Variants in ASAP3 observed in about 807,000 individuals in gnomAD.
ASAP3 encodes arf-GAP with SH3 domain, ANK repeat and PH domain-containing protein 3.
Under a neutral mutation model 118.2 loss-of-function variants are expected in ASAP3, and 85 were observed. That is an observed-to-expected ratio of 0.72 (90% CI 0.60 to 0.86). ASAP3 has a LOEUF of 0.86. Ranked by LOEUF, ASAP3 falls within the 40% of genes least tolerant of loss-of-function variation. The pLI is 0.00. For synonymous variants in ASAP3, 432 were observed against 477.4 expected (o/e 0.90, Z 1.24); for missense variants, 1,026 against 1,175.0 (o/e 0.87, Z 1.85).
chr1:23,438,623 A>T lies in ASAP3; in HGVS notation c.1102+124T>A. ...TAAGGATTCTTATGTCTGCAGTAGCAGCAATTCGACACCATGTGTGGAACT... is the reference window on the plus strand; with the variant it reads ...TAAGGATTCTTATGTCTGCAGTAGCTGCAATTCGACACCATGTGTGGAACT... On this transcript the variant is annotated intron_variant, in intron 12 of 24. Transcript: ENST00000336689. This position sits in a 1 kb window ranked among gnomAD's most constrained non-coding sequence, Gnocchi z 4.9. 1 of 755,368 alleles carries T rather than the reference A, an allele frequency of 1.3e-6. No homozygotes were observed. The highest frequency in any genetic ancestry group is 1.7e-5 in the African/African-American group (1 of 57,470). 46.8% of individuals were successfully genotyped at this position (755,368 alleles called of 1,614,324 possible). A position where few individuals can be genotyped will look rare whatever the true frequency, so the allele number is the denominator to read the frequency against.
chr1:23,467,951 C>CAAAAAA (rs573411297), intron 1 of ASAP3, among the ~76,000 whole-genome samples: 3 of 52,188 alleles, frequency 5.7e-5, no homozygotes, highest in Non-Finnish European at 3.8e-5. Context: ...GACTCCGTCT[C>CAAAAAA]AAAAAAAAAA....
intron 5 of ASAP3, 77 bp downstream of exon 5, chr1:23,451,402 C>T (rs1256896498): frequency 6.8e-6 from 10 of 1,479,734 alleles, no homozygotes; most frequent in African/African-American, 4.2e-5. Context: ...TGACATGTCT[C>T]GGCAGCATTT....
At chr1:23,472,330 A>G (rs1423964073) in intron 1 of ASAP3, among the ~76,000 whole-genome samples, 1 of 152,160 alleles carries the variant, frequency 6.6e-6, no homozygotes, top group East Asian at 1.9e-4. Flanking sequence ...GCCTCTCAGC[A>G]AATGTTTTGT....
At chr1:23,445,317 C>G (rs1279069670) in intron 5 of ASAP3, among the ~76,000 whole-genome samples, 1 of 152,142 alleles carries the variant, frequency 6.6e-6, no homozygotes, top group Non-Finnish European at 1.5e-5. Flanking sequence ...TGGTGAAACC[C>G]TGTCTCTACA....
Position 23,434,309 on chromosome 1 carries a change from G to A in ASAP3, c.1896C>T (p.Tyr632=). 2 of 1,614,244 alleles carry A rather than the reference G, an allele frequency of 1.2e-6. No individual in the cohort carries two copies. The highest frequency in any genetic ancestry group is 1.7e-6 in the Non-Finnish European group (2 of 1,180,046). Reference sequence around the variant, plus strand: ...GCAGCTTGAGGCAGTCGGGCTGGTTGTAGAGTGCTGCGTAGTGCAGAGCCG... The same window carrying A: ...GCAGCTTGAGGCAGTCGGGCTGGTTATAGAGTGCTGCGTAGTGCAGAGCCG... The part of the protein sequence containing the change: ...GNTALHYAAL[Y]NQPDCLKLLL... The change falls in exon 19 of 25, where the codon TAC becomes TAT. Residue 632 remains tyrosine, a synonymous_variant. Coordinates refer to ENST00000336689, the MANE Select transcript of ASAP3 (RefSeq NM_017707.4).
chr1:23,433,625 C>A lies in ASAP3; in HGVS notation c.2019+1G>T. On this transcript the variant is annotated splice_donor_variant, in intron 20 of 24. Coordinates refer to ENST00000336689, the MANE Select transcript of ASAP3 (RefSeq NM_017707.4). LOFTEE classifies it high-confidence loss of function. ...GGCCCCTTGCCTCCCCGAGTCCTCA[C>A]CAGCTCCTCACACTCCTTGTGGTGC... 6.2e-7 allele frequency: 1 copy of A among 1,614,234 alleles called. No homozygotes were observed. Among genetic ancestry groups the A allele is most frequent in the Non-Finnish European group, 8.5e-7 (1 of 1,180,048 alleles).
intron 1 of ASAP3, among the ~76,000 whole-genome samples, chr1:23,466,862 C>CATTATT (rs907432216): frequency 2.6e-5 from 4 of 151,774 alleles, no homozygotes; most frequent in African/African-American, 4.8e-5. Flanking sequence ...CCATTACAGC[C>CATTATT]ATTATTATTA....
At chr1:23,482,691 G>C (rs1642345700) in intron 1 of ASAP3, among the ~76,000 whole-genome samples, 1 of 152,080 alleles carries the variant, frequency 6.6e-6, no homozygotes, top group Non-Finnish European at 1.5e-5. Context: ...GCTCACGCCT[G>C]TAATCCCAGC....
At chr1:23,443,676 G>A (rs1640951485) in intron 5 of ASAP3, among the ~76,000 whole-genome samples, 1 of 149,630 alleles carries the variant, frequency 6.7e-6, no homozygotes, top group Non-Finnish European at 1.5e-5. Flanking sequence ...GATTACAGGT[G>A]CCCACCTCCA....
chr1:23,458,221 C>T (rs1641450292), intron 1 of ASAP3, among the ~76,000 whole-genome samples: 1 of 152,182 alleles, frequency 6.6e-6, no homozygotes, highest in South Asian at 2.1e-4. Flanking sequence ...TGGCTCATGC[C>T]TATAATCCCA....
At chr1:23,469,497 A>C (rs1235385338) in intron 1 of ASAP3, among the ~76,000 whole-genome samples, 1 of 152,082 alleles carries the variant, frequency 6.6e-6, no homozygotes, top group Non-Finnish European at 1.5e-5. Flanking sequence ...TGGGCTGCAG[A>C]TCCATGTTCA....
Position 23,434,652 on chromosome 1 carries a change from C to G in ASAP3, c.1750-34G>C, listed in dbSNP as rs200340059. 1.1e-4 allele frequency: 168 copies of G among 1,597,954 alleles called. No homozygotes were observed. In the East Asian group the frequency reaches 1.1e-3, roughly 10 times the overall value. ...ACATCCACACCTCTGAGATTCCCCCCCCAGTGCACCTGCCTCCAACCCAGT... is the reference window on the plus strand; with the variant it reads ...ACATCCACACCTCTGAGATTCCCCCGCCAGTGCACCTGCCTCCAACCCAGT... On this transcript the variant is annotated intron_variant, in intron 17 of 24. Transcript: ENST00000336689.
At chr1:23,444,865 T>C (rs554965184) in intron 5 of ASAP3, among the ~76,000 whole-genome samples, 74 of 152,170 alleles carry the variant, frequency 4.9e-4, no homozygotes, top group African/African-American at 1.7e-3. Context: ...GTGGTTTGTA[T>C]GTTTAGCAGC....
intron 7 of ASAP3, 50 bp downstream of exon 7, chr1:23,442,136 G>C: frequency 6.5e-7 from 1 of 1,544,950 alleles, no homozygotes; most frequent in Non-Finnish European, 8.8e-7. Context: ...GAGGGGCCTT[G>C]TTCTGTGACA....
chr1:23,469,169 T>C (rs939021604), intron 1 of ASAP3, among the ~76,000 whole-genome samples: 3 of 151,860 alleles, frequency 2.0e-5, no homozygotes, highest in Admixed American at 2.0e-4. Context: ...TTTCCAGGCA[T>C]GGTGGCACAC....
intron 21 of ASAP3, 21 bp downstream of exon 21, chr1:23,433,404 A>G (rs1245348555): frequency 6.2e-7 from 1 of 1,614,086 alleles, no homozygotes; most frequent in Non-Finnish European, 8.5e-7. Context: ...CAGAGGCCTG[A>G]GGGACAGGGC....
intron 1 of ASAP3, among the ~76,000 whole-genome samples, chr1:23,462,082 G>A (rs2148646101): frequency 6.6e-6 from 1 of 151,398 alleles, no homozygotes; most frequent in Admixed American, 6.6e-5. Context: ...GGAGTGCAGT[G>A]GCACAATCTC....
In ASAP3 at chr1:23,442,173, G is replaced by C; in HGVS notation, c.671+13C>G. Reference sequence around the variant, plus strand: ...TGGAAGGGTTAGTGGCAGGGACGCGGGAAGATACCTACTTGTGCTGGGCGT... The same window carrying C: ...TGGAAGGGTTAGTGGCAGGGACGCGCGAAGATACCTACTTGTGCTGGGCGT... On this transcript the variant is annotated intron_variant, in intron 7 of 24. Coordinates refer to ENST00000336689, the MANE Select transcript of ASAP3 (RefSeq NM_017707.4). 1 of 1,588,594 alleles carries C rather than the reference G, an allele frequency of 6.3e-7. No individual in the cohort carries two copies. Among genetic ancestry groups the C allele is most frequent in the South Asian group, 1.2e-5 (1 of 86,908 alleles).
intron 7 of ASAP3, 92 bp downstream of exon 7, chr1:23,442,094 C>A: frequency 7.3e-7 from 1 of 1,364,896 alleles, no homozygotes; most frequent in Non-Finnish European, 1.0e-6. Context: ...ATGCAGGCCT[C>A]CAAAGAGACT....
Sources: gnomAD v4.1 joint callset for allele counts (sites outside exome capture counted in the v4.1 genomes callset) on GRCh38, gnomAD v4.1.1 for gene constraint, Gnocchi (gnomAD v3.1) non-coding constraint, MANE v1.5 for transcripts, NCBI Gene and HGNC (gene_info 2026-07-23, HGNC 2026-07-21) for gene names.